The following SLC24A2 variants were observed in gnomAD, a reference collection of about 807,000 sequenced individuals.
SLC24A2 encodes solute carrier family 24 member 2.
Under a neutral mutation model 62.0 loss-of-function variants are expected in SLC24A2, and 36 were observed. The ratio of observed to expected loss-of-function variants is 0.58; its 90% CI spans 0.44 to 0.77. SLC24A2 has a LOEUF of 0.77. Ranked by LOEUF, SLC24A2 falls within the 30% of genes least tolerant of loss-of-function variation. SLC24A2 has a pLI of 0.00. For missense variants in SLC24A2, 846 were observed against 817.9 expected, an observed-to-expected ratio of 1.03 and a Z score of -0.42; for synonymous variants, 358 against 294.0, an observed-to-expected ratio of 1.22 and a Z score of -2.23.
At chr9:19,765,721 C>T (rs1490233497) in intron 2 of SLC24A2, among the ~76,000 whole-genome samples, 1 of 152,176 alleles carries the variant, frequency 6.6e-6, no homozygotes, top group African/African-American at 2.4e-5. Context: ...CTCGGGCTGA[C>T]CTTAACATTT....
chr9:20,269,784 C>G, the SLC24A2 span, among the ~76,000 whole-genome samples: 1 of 152,062 alleles, frequency 6.6e-6, no homozygotes, highest in South Asian at 2.1e-4. Flanking sequence ...TTCTTTGTTC[C>G]TTTTGTTTTT....
the SLC24A2 span, among the ~76,000 whole-genome samples, chr9:19,978,536 C>A: frequency 6.6e-6 from 1 of 151,880 alleles, no homozygotes; most frequent in Non-Finnish European, 1.5e-5. Flanking sequence ...GAATGGTGTT[C>A]AAGCAACTGA....
chr9:20,302,129 A>C, the SLC24A2 span, among the ~76,000 whole-genome samples: 1 of 152,160 alleles, frequency 6.6e-6, no homozygotes, highest in Admixed American at 6.5e-5. Context: ...TTATTTATCT[A>C]TTCACCTATG....
At chr9:19,620,268 A>G (rs1270681101) in intron 3 of SLC24A2, among the ~76,000 whole-genome samples, 3 of 152,242 alleles carry the variant, frequency 2.0e-5, no homozygotes, top group Admixed American at 1.3e-4. Flanking sequence ...ACTTTCAAAA[A>G]TACAAGTTAA....
the SLC24A2 span, among the ~76,000 whole-genome samples, chr9:19,802,212 C>A: frequency 1.3e-5 from 2 of 152,164 alleles, no homozygotes; most frequent in African/African-American, 4.8e-5. Flanking sequence ...GTAAACAATG[C>A]AGATACGTTG....
the SLC24A2 span, among the ~76,000 whole-genome samples, chr9:19,955,679 G>C: frequency 6.6e-6 from 1 of 152,066 alleles, no homozygotes; most frequent in Non-Finnish European, 1.5e-5. Context: ...ATAAAGGTAT[G>C]GGTCTGCTTT....
At chr9:20,074,845 C>T in the SLC24A2 span, among the ~76,000 whole-genome samples, 2 of 152,008 alleles carry the variant, frequency 1.3e-5, no homozygotes, top group Non-Finnish European at 2.9e-5. Flanking sequence ...TTTCTATTAT[C>T]ATTTGCCTTC....
intron 8 of SLC24A2, among the ~76,000 whole-genome samples, 198 bp from the exon 9 acceptor site, chr9:19,528,336 G>C (rs554447386): frequency 6.6e-5 from 10 of 152,280 alleles, no homozygotes; most frequent in African/African-American, 2.4e-4. Flanking sequence ...GAAATTGATA[G>C]GAACTGAGTG....
intron 2 of SLC24A2, among the ~76,000 whole-genome samples, chr9:19,663,348 G>C (rs1008273267): frequency 5.3e-5 from 8 of 152,154 alleles, no homozygotes; most frequent in Non-Finnish European, 1.2e-4. Context: ...GAAGCCTTCC[G>C]ATCGCTTCAA....
At chr9:20,129,949 A>G in the SLC24A2 span, among the ~76,000 whole-genome samples, 1 of 151,750 alleles carries the variant, frequency 6.6e-6, no homozygotes, top group African/African-American at 2.4e-5. Context: ...ACACACACAC[A>G]CACACACACA....
At chr9:19,947,999 TATC>T in the SLC24A2 span, among the ~76,000 whole-genome samples, 1 of 152,174 alleles carries the variant, frequency 6.6e-6, no homozygotes. Flanking sequence ...CTTCTTTGGT[TATC>T]TTTTGCTTTT....
chr9:19,755,965 G>T (rs906091299), intron 2 of SLC24A2, among the ~76,000 whole-genome samples: 3 of 152,128 alleles, frequency 2.0e-5, no homozygotes, highest in African/African-American at 7.2e-5. Flanking sequence ...AATGAGCTTG[G>T]TTCACATAAG....
At chr9:19,797,077 C>T in the SLC24A2 span, among the ~76,000 whole-genome samples, 5 of 152,170 alleles carry the variant, frequency 3.3e-5, no homozygotes, top group African/African-American at 7.2e-5. Context: ...AAAGTCCTCA[C>T]ATTTTTAACT....
chr9:20,174,656 G>T, the SLC24A2 span, among the ~76,000 whole-genome samples: 4 of 151,744 alleles, frequency 2.6e-5, no homozygotes, highest in South Asian at 8.3e-4. Context: ...ATGCAATACC[G>T]CCTTATTCCT....
At chr9:20,235,855 A>T in the SLC24A2 span, among the ~76,000 whole-genome samples, 1 of 152,098 alleles carries the variant, frequency 6.6e-6, no homozygotes, top group Non-Finnish European at 1.5e-5. Context: ...AGCTGTTCCC[A>T]TTCGGCCTTC....
At chr9:20,101,924 A>T in the SLC24A2 span, among the ~76,000 whole-genome samples, 1 of 152,160 alleles carries the variant, frequency 6.6e-6, no homozygotes, top group Non-Finnish European at 1.5e-5. Context: ...GACATGGGAC[A>T]AACACGTCTG....
chr9:19,652,838 T>C (rs1818838701), intron 2 of SLC24A2, among the ~76,000 whole-genome samples: 1 of 152,210 alleles, frequency 6.6e-6, no homozygotes, highest in Non-Finnish European at 1.5e-5. Flanking sequence ...TGATCATTCA[T>C]CCATTCAGTT....
intron 2 of SLC24A2, among the ~76,000 whole-genome samples, chr9:19,690,094 C>T (rs1169220540): frequency 6.6e-6 from 1 of 152,086 alleles, no homozygotes; most frequent in Non-Finnish European, 1.5e-5. Context: ...CATGTGATTT[C>T]TCAGACTCCA....
the SLC24A2 span, among the ~76,000 whole-genome samples, chr9:20,139,773 G>A: frequency 1.3e-5 from 2 of 152,152 alleles, no homozygotes; most frequent in East Asian, 1.9e-4. Flanking sequence ...CACTAAGACT[G>A]GAGAAACAAA....
Sources: gnomAD v4.1 joint callset for allele counts (sites outside exome capture counted in the v4.1 genomes callset) on GRCh38, gnomAD v4.1.1 for gene constraint, MANE v1.5 for transcripts, NCBI Gene and HGNC (gene_info 2026-07-23, HGNC 2026-07-21) for gene names.